GOLGA1: variants seen among roughly 807,000 people sequenced by gnomAD.
GOLGA1 encodes golgin subfamily A member 1.
GOLGA1 carries 63 observed loss-of-function variants against 119.7 expected under a neutral mutation model. The observed-to-expected ratio is 0.53, with a 90% confidence interval of 0.43 to 0.65. GOLGA1 has a LOEUF of 0.65. GOLGA1 is among the 30% of genes least tolerant of loss of function. The pLI is 0.00. For missense variants in GOLGA1, 798 were observed against 912.8 expected (o/e 0.87, Z 1.62); for synonymous variants, 318 against 333.4 (o/e 0.95, Z 0.50).
At chr9:124,932,197 T>A (rs1830781951) in intron 3 of GOLGA1, among the ~76,000 whole-genome samples, 1 of 152,216 alleles carries the variant, frequency 6.6e-6, no homozygotes, top group African/African-American at 2.4e-5. Context: ...TGGCATTTCA[T>A]CCTAAATACT....
chr9:124,938,731 T>G lies in GOLGA1; in HGVS notation c.-20A>C. On this transcript the variant is annotated 5_prime_UTR_variant, in exon 3 of 23. Transcript: ENST00000373555. ...AAACATGTTTGCTGTGTGGCTATCC[T>G]GCACAGATGACGAGCTCTCAGTAGT... The G allele has an allele frequency of 6.2e-7, 1 of 1,606,296 alleles. No individual in the cohort carries two copies. Among genetic ancestry groups the G allele is most frequent in the African/African-American group, 1.3e-5 (1 of 74,622 alleles).
At chr9:124,914,973 C>A (rs917273227) in intron 10 of GOLGA1, among the ~76,000 whole-genome samples, 2 of 152,196 alleles carry the variant, frequency 1.3e-5, no homozygotes, top group African/African-American at 4.8e-5. Context: ...ATCTCCTTCT[C>A]CAGGCTGGCT....
intron 10 of GOLGA1, among the ~76,000 whole-genome samples, chr9:124,917,335 G>A (rs1353378137): frequency 2.6e-5 from 4 of 152,070 alleles, no homozygotes; most frequent in African/African-American, 7.2e-5. Context: ...TTATAAATAT[G>A]TTTTTATATA....
intron 15 of GOLGA1, among the ~76,000 whole-genome samples, chr9:124,895,250 C>G (rs1034467577): frequency 9.9e-5 from 15 of 150,898 alleles, no homozygotes; most frequent in African/African-American, 3.2e-4. Context: ...AACAGAGAAC[C>G]CTCCATAACA....
chr9:124,892,738 G>A (rs1015435597), intron 15 of GOLGA1, among the ~76,000 whole-genome samples: 2 of 152,082 alleles, frequency 1.3e-5, no homozygotes, highest in African/African-American at 4.8e-5. Flanking sequence ...TTCGAGACCA[G>A]CCTGACCAAC....
Position 124,889,296 on chromosome 9 carries a change from G to C in GOLGA1, c.1608C>G (p.Asn536Lys), listed in dbSNP as rs1339072531. ...QEILQLERGH[N>K]SALLQIHQLQ... ...GCTGGTGTATCTGCAGCAGGGCAGA[G>C]TTGTGACCTAGGTCGGGGAGGAGGG... The change falls in exon 18 of 23, where the codon AAC becomes AAG. Residue 536 changes from asparagine to lysine, a missense_variant. By Grantham distance (94) the Asn-to-Lys change is moderately conservative. Transcript: ENST00000373555. The C allele has an allele frequency of 6.2e-7, 1 of 1,613,374 alleles. No homozygotes were observed. Among genetic ancestry groups the C allele is most frequent in the Non-Finnish European group, 8.5e-7 (1 of 1,179,674 alleles).
In GOLGA1 at chr9:124,881,403, A is replaced by T; in HGVS notation, c.2137-146T>A. On this transcript the variant is annotated intron_variant, in intron 21 of 22. Coordinates refer to ENST00000373555, the MANE Select transcript of GOLGA1 (RefSeq NM_002077.4). This position sits in a 1 kb window ranked among gnomAD's most constrained non-coding sequence, Gnocchi z 4.9. ...TCTGGCACTCTGAAGTTTGGCAGCAATGATAGGTTCTTTCTTCCCCTGCAT... is the reference window on the plus strand; with the variant it reads ...TCTGGCACTCTGAAGTTTGGCAGCATTGATAGGTTCTTTCTTCCCCTGCAT... 1 of 673,290 alleles carries T rather than the reference A, an allele frequency of 1.5e-6. No individual in the cohort carries two copies. The highest frequency in any genetic ancestry group is 2.7e-6 in the Non-Finnish European group (1 of 371,770). The allele number at this position is 673,290 out of a possible 1,614,324, so 41.7% of individuals were successfully genotyped here. A position where few individuals can be genotyped will look rare whatever the true frequency, so the allele number is the denominator to read the frequency against.
chr9:124,918,051 C>T (rs901913300), intron 10 of GOLGA1, among the ~76,000 whole-genome samples: 1 of 152,082 alleles, frequency 6.6e-6, no homozygotes, highest in Admixed American at 6.6e-5. Flanking sequence ...AGGGTTTCTC[C>T]ATGTTGGTCA....
intron 10 of GOLGA1, among the ~76,000 whole-genome samples, chr9:124,920,839 C>T (rs933689903): frequency 1.5e-5 from 2 of 137,204 alleles, no homozygotes; most frequent in African/African-American, 5.3e-5. Context: ...GAGCAAGACT[C>T]TGTCCCAAAA....
At chr9:124,922,779 A>C (rs1284062103) in intron 8 of GOLGA1, among the ~76,000 whole-genome samples, 11 of 147,374 alleles carry the variant, frequency 7.5e-5, no homozygotes, top group Non-Finnish European at 1.7e-4. Context: ...CCATCTATTT[A>C]AAAAAAAAAA....
At chr9:124,920,360 A>AAGTGCT (rs1384138178) in intron 10 of GOLGA1, among the ~76,000 whole-genome samples, 3 of 151,590 alleles carry the variant, frequency 2.0e-5, no homozygotes, top group African/African-American at 7.3e-5. Flanking sequence ...TGGCCTACCA[A>AAGTGCT]AGTGCTAGGA....
At position 124,908,467 on chromosome 9, in the gene GOLGA1, T is replaced by C. The variant is rs758695812; in HGVS notation, c.975A>G (p.Thr325=). The change falls in exon 12 of 23, where the codon ACA becomes ACG. Residue 325 remains threonine, a synonymous_variant. Coordinates refer to ENST00000373555, the MANE Select transcript of GOLGA1 (RefSeq NM_002077.4). ...EHLQELLKEK[T]LAEQNLEDTR... ...TATCCTCCAAATTCTGCTCAGCAAG[T>C]GTTTTCTGTAAGTTGAAAGAAGAGT... The C allele has an allele frequency of 2.5e-6, 4 of 1,577,654 alleles. No homozygotes were observed. The South Asian group carries it at 3.3e-5, about 13-fold the overall frequency.
Position 124,929,274 on chromosome 9 carries a change from G to C in GOLGA1, c.243C>G (p.Val81=). ...EARLSDYAEQ[V]RNLQKIKEKL... is the part of the protein sequence containing the mutation. ...TCTCTTTTATCTTCTGCAAGTTTCG[G>C]ACCTGTTCAGCATAGTCTTGGGTGA... Residue 81 remains valine (V), a synonymous_variant, in exon 5 of 23, where the codon GTC becomes GTG. Coordinates refer to ENST00000373555, the MANE Select transcript of GOLGA1 (RefSeq NM_002077.4). The C allele has an allele frequency of 6.2e-7, 1 of 1,607,722 alleles. No individual in the cohort carries two copies. The highest frequency in any genetic ancestry group is 8.5e-7 in the Non-Finnish European group (1 of 1,174,280).
Position 124,881,764 on chromosome 9 carries a change from A to G in GOLGA1, c.2136+20T>C, listed in dbSNP as rs370857750. ...AGGGCGGGGCCTCAATACCCAAAAG[A>G]CACCTCAAAAGCCCTTTACCTCGGA... is the stretch of plus-strand genomic sequence containing the variant. On this transcript the variant is annotated intron_variant, in intron 21 of 22. Transcript: ENST00000373555. This position sits in a 1 kb window ranked among gnomAD's most constrained non-coding sequence, Gnocchi z 4.9. The G allele has an allele frequency of 1.3e-4, 213 of 1,579,064 alleles. No individual in the cohort carries two copies. Among genetic ancestry groups the G allele is most frequent in the Non-Finnish European group, 1.7e-4 (200 of 1,156,554 alleles).
intron 7 of GOLGA1, among the ~76,000 whole-genome samples, chr9:124,924,683 T>A (rs1830639359): frequency 1.5e-5 from 2 of 135,908 alleles, no homozygotes; most frequent in African/African-American, 2.7e-5. Context: ...TCTTAAGGAC[T>A]AACCCTTCTG....
chr9:124,938,506 A>T, intron 3 of GOLGA1, 71 bp downstream of exon 3: 1 of 1,252,116 alleles, frequency 8.0e-7, no homozygotes, highest in Non-Finnish European at 1.2e-6. Flanking sequence ...TGAAATAATC[A>T]AGCAATTTAA....
At chr9:124,904,943 C>CAAA (rs111292002) in intron 12 of GOLGA1, among the ~76,000 whole-genome samples, 1 of 131,298 alleles carries the variant, frequency 7.6e-6, no homozygotes, top group South Asian at 2.4e-4. Context: ...GACTCTGTCT[C>CAAA]AAAAAAAAAA....
chr9:124,894,195 T>C (rs377602148), intron 15 of GOLGA1, among the ~76,000 whole-genome samples: 2 of 152,330 alleles, frequency 1.3e-5, no homozygotes, highest in Admixed American at 6.5e-5. Flanking sequence ...CTGCTTTTAC[T>C]GCTACCCTAC....
At chr9:124,894,201 C>G (rs909994662) in intron 15 of GOLGA1, among the ~76,000 whole-genome samples, 4 of 152,184 alleles carry the variant, frequency 2.6e-5, no homozygotes, top group Non-Finnish European at 5.9e-5. Context: ...TTACTGCTAC[C>G]CTACCTGCGG....
Sources: gnomAD v4.1 joint callset for allele counts (sites outside exome capture counted in the v4.1 genomes callset) on GRCh38, gnomAD v4.1.1 for gene constraint, Gnocchi (gnomAD v3.1) non-coding constraint, MANE v1.5 for transcripts, NCBI Gene and HGNC (gene_info 2026-07-23, HGNC 2026-07-21) for gene names.